Variants in EDIL3 observed in about 807,000 individuals in gnomAD.
EDIL3 encodes the protein EGF like and discoidin domains 3.
EDIL3 carries 37 observed loss-of-function variants against 67.4 expected under a neutral mutation model. That is an observed-to-expected ratio of 0.55 (90% CI 0.42 to 0.72). EDIL3 has a LOEUF of 0.72. Ranked by LOEUF, EDIL3 falls within the 30% of genes least tolerant of loss-of-function variation. EDIL3 has a pLI of 0.00. For missense variants in EDIL3, 527 were observed against 586.3 expected (o/e 0.90, Z 1.04); for synonymous variants, 195 against 196.3 (o/e 0.99, Z 0.05).
At chr5:84,009,341 T>C (rs895163069) in intron 9 of EDIL3, among the ~76,000 whole-genome samples, 8 of 152,176 alleles carry the variant, frequency 5.3e-5, no homozygotes, top group Admixed American at 3.3e-4. Context: ...CATTTTGCTA[T>C]AGGGCCAAGA....
At chr5:84,343,644 A>C (rs1747172326) in intron 1 of EDIL3, among the ~76,000 whole-genome samples, 1 of 152,108 alleles carries the variant, frequency 6.6e-6, no homozygotes, top group African/African-American at 2.4e-5. Flanking sequence ...ACAAACATTA[A>C]GGTATACTTC....
chr5:84,280,789 A>T (rs578146179), intron 1 of EDIL3, among the ~76,000 whole-genome samples: 4 of 151,944 alleles, frequency 2.6e-5, no homozygotes, highest in South Asian at 2.1e-4. Flanking sequence ...CAAAAAATTT[A>T]AAAAAATAGC....
intron 1 of EDIL3, among the ~76,000 whole-genome samples, chr5:84,274,273 T>C (rs900527245): frequency 2.6e-5 from 4 of 152,006 alleles, no homozygotes; most frequent in African/African-American, 9.7e-5. Flanking sequence ...AGATAATTTT[T>C]AAATTTTTTG....
chr5:84,103,421 A>G (rs1254356011), intron 6 of EDIL3, among the ~76,000 whole-genome samples: 3 of 152,134 alleles, frequency 2.0e-5, no homozygotes, highest in Non-Finnish European at 4.4e-5. Context: ...CTATCAACAC[A>G]GTGAACAGAC....
intron 8 of EDIL3, among the ~76,000 whole-genome samples, chr5:84,062,230 A>G (rs563231331): frequency 6.6e-6 from 1 of 152,218 alleles, no homozygotes; most frequent in South Asian, 2.1e-4. Context: ...CTTAATGGCA[A>G]GCTGTTTATC....
At position 83,941,271 on chromosome 5, in the gene EDIL3, T is replaced by G. The variant is rs1744219076; in HGVS notation, c.*2148A>C. 1 of 151,992 alleles carries G rather than the reference T, an allele frequency of 6.6e-6. No individual in the cohort carries two copies. The highest frequency in any genetic ancestry group is 1.5e-5 in the Non-Finnish European group (1 of 67,894). The allele number at this position is 151,992 out of a possible 1,614,324, so 9.4% of individuals were successfully genotyped here. On this transcript the variant is annotated 3_prime_UTR_variant, in exon 11 of 11. Coordinates refer to ENST00000296591, the MANE Select transcript of EDIL3 (RefSeq NM_005711.5). ...AAGAGCATATAAAGCAGAGGGAAAA[T>G]GAAAAAGCAAGAGAAACTCATTTCA...
intron 9 of EDIL3, among the ~76,000 whole-genome samples, chr5:83,968,198 T>A (rs953357948): frequency 5.9e-5 from 9 of 152,058 alleles, no homozygotes; most frequent in African/African-American, 2.2e-4. Context: ...GTAGTCCATA[T>A]TTGCAGGGCA....
intron 1 of EDIL3, among the ~76,000 whole-genome samples, chr5:84,355,495 C>A (rs1189004990): frequency 6.6e-6 from 1 of 152,072 alleles, no homozygotes; most frequent in Non-Finnish European, 1.5e-5. Flanking sequence ...ATTTGTCAAA[C>A]TCATTCTCCA....
intron 6 of EDIL3, among the ~76,000 whole-genome samples, chr5:84,067,324 C>G (rs917743198): frequency 6.6e-6 from 1 of 152,080 alleles, no homozygotes; most frequent in African/African-American, 2.4e-5. Context: ...TGTTAATATT[C>G]TTCTCATGTT....
chr5:84,128,194 T>C (rs1747899980), intron 5 of EDIL3, among the ~76,000 whole-genome samples: 1 of 152,162 alleles, frequency 6.6e-6, no homozygotes. Context: ...AGTCAAGTTT[T>C]ATTGCAACCA....
At chr5:84,000,070 G>A (rs149721420) in intron 9 of EDIL3, among the ~76,000 whole-genome samples, 1,743 of 151,810 alleles carry the variant, frequency 0.011, 33 homozygotes, top group African/African-American at 0.04. Context: ...CAAACATGAA[G>A]GAGAAATAAA....
chr5:84,364,973 TACTTA>T (rs1259119657), intron 1 of EDIL3, among the ~76,000 whole-genome samples: 1 of 151,810 alleles, frequency 6.6e-6, no homozygotes, highest in Non-Finnish European at 1.5e-5. Context: ...TTATGTCTTA[TACTTA>T]ACTTAAATAT....
At chr5:84,093,565 C>G (rs1252173450) in intron 6 of EDIL3, among the ~76,000 whole-genome samples, 2 of 151,414 alleles carry the variant, frequency 1.3e-5, no homozygotes, top group Non-Finnish European at 2.9e-5. Flanking sequence ...GCAGAATAAG[C>G]TGGATTAATT....
At position 83,943,430 on chromosome 5, in the gene EDIL3, C is replaced by G. The variant is rs149764869; in HGVS notation, c.1432G>C (p.Glu478Gln). 171 of 1,612,506 alleles carry G rather than the reference C, an allele frequency of 1.1e-4. No individual in the cohort carries two copies. The African/African-American group carries it at 1.9e-3, about 18-fold the overall frequency. The change falls in exon 11 of 11, where the codon GAG becomes CAG. Residue 478 changes from glutamate (E) to glutamine (Q), a missense_variant. Physicochemically the swap from Glu to Gln is conservative, Grantham distance 29 (BLOSUM62 2). Around this residue, in one of 2 missense-constraint regions of EDIL3, gnomAD observed 33 missense variants for 63.7 expected, o/e 0.52. Coordinates refer to ENST00000296591, the MANE Select transcript of EDIL3 (RefSeq NM_005711.5). The stretch of plus-strand genomic sequence containing the variant: ...AATGTAGCCTCCCCTCATTCCTCCT[C>G]TGTGCAGCCCAGCAGCTCTGACCGC... ...TLRSELLGCTEEE is the reference protein window; with the variant it reads ...TLRSELLGCTQEE
chr5:83,999,676 G>C lies in EDIL3; in HGVS notation c.1138-36316C>G, dbSNP rs945007363. On this transcript the variant is annotated intron_variant, in intron 9 of 10. Transcript: ENST00000296591. ...AATAGCCTCAAAGTGGCCAATCTAA[G>C]GGTTGATGGCCTTAAAGAGAAAGTA... Among the ~76,000 whole-genome samples, 9 of 152,186 alleles carry C rather than the reference G, an allele frequency of 5.9e-5. No individual in the cohort carries two copies. In the East Asian group the frequency reaches 1.7e-3, roughly 29 times the overall value.
chr5:84,354,533 T>C (rs1016931447), intron 1 of EDIL3, among the ~76,000 whole-genome samples: 1 of 151,724 alleles, frequency 6.6e-6, no homozygotes, highest in African/African-American at 2.4e-5. Flanking sequence ...GGTGCATGCC[T>C]GTAATACCAG....
chr5:84,293,561 C>T (rs1376504174), intron 1 of EDIL3, among the ~76,000 whole-genome samples: 1 of 151,980 alleles, frequency 6.6e-6, no homozygotes, highest in Admixed American at 6.5e-5. Context: ...GTTCCATCCG[C>T]ATGTGTCCCA....
At chr5:83,970,643 G>GTATATATATATATA (rs70975530) in intron 9 of EDIL3, among the ~76,000 whole-genome samples, 59 of 116,108 alleles carry the variant, frequency 5.1e-4, no homozygotes, top group African/African-American at 1.6e-3. Context: ...TAGGATCACA[G>GTATATATATATATA]TATATATATA....
chr5:84,029,654 A>T lies in EDIL3; in HGVS notation c.1137+30646T>A, dbSNP rs376455588. On this transcript the variant is annotated intron_variant, in intron 9 of 10. Coordinates refer to ENST00000296591, the MANE Select transcript of EDIL3 (RefSeq NM_005711.5). ...GTTCACTTTGAGAAATTTAACCCTC[A>T]AAAGGGTTAAGATTAAGCGGATAAT... is the stretch of plus-strand genomic sequence containing the variant. Among the ~76,000 whole-genome samples the T allele has an allele frequency of 7.9e-5, 12 of 152,208 alleles. No individual in the cohort carries two copies. In the East Asian group the frequency reaches 9.6e-4, roughly 12 times the overall value.
Sources: gnomAD v4.1 joint callset for allele counts (sites outside exome capture counted in the v4.1 genomes callset) on GRCh38, gnomAD v4.1.1 for gene constraint, gnomAD v4.1.1 regional missense constraint, MANE v1.5 for transcripts, NCBI Gene and HGNC (gene_info 2026-07-23, HGNC 2026-07-21) for gene names.